The following RPP30 variants were observed in gnomAD, a reference collection of about 807,000 sequenced individuals.
The protein encoded by RPP30 is ribonuclease P protein subunit p30.
Under a neutral mutation model 38.6 loss-of-function variants are expected in RPP30, and 36 were observed. That is an observed-to-expected ratio of 0.93 (90% confidence interval 0.71 to 1.23). The LOEUF is 1.23. RPP30 is among the 50% of genes most tolerant of loss of function. The probability of loss-of-function intolerance (pLI) is 0.00; values close to 1 mark genes in which losing one functional copy is unlikely to be tolerated. For synonymous variants in RPP30, 126 were observed against 112.7 expected, an observed-to-expected ratio of 1.12 and a Z score of -0.75; for missense variants, 321 against 321.7, an observed-to-expected ratio of 1.00 and a Z score of 0.02.
In RPP30 at chr10:90,872,024, C is replaced by T. The variant is rs967666001; in HGVS notation, c.38C>T (p.Ser13Phe). Reference protein sequence around the residue: ...VFADLDLRAGSDLKALRGLVE... With the variant: ...VFADLDLRAGFDLKALRGLVE... ...GCAGATTTGGACCTGCGAGCGGGTT[C>T]TGACCTGAAGGCTCTGCGCGGACTT... Residue 13 changes from serine to phenylalanine, a missense_variant, in exon 1 of 11, where the codon TCT becomes TTT. Transcript: ENST00000371703. 11 of 1,614,060 alleles carry T rather than the reference C, an allele frequency of 6.8e-6. No homozygotes were observed. The highest frequency in any genetic ancestry group is 2.7e-5 in the African/African-American group (2 of 74,932).
At position 90,901,698 on chromosome 10, in the gene RPP30, A is replaced by G. The variant is rs2120240975; in HGVS notation, c.*1019A>G. 1 of 983,394 alleles carries G rather than the reference A, an allele frequency of 1.0e-6. No homozygotes were observed. The highest frequency in any genetic ancestry group is 1.2e-6 in the Non-Finnish European group (1 of 828,056). 60.9% of individuals were successfully genotyped at this position (983,394 alleles called of 1,614,324 possible). On this transcript the variant is annotated 3_prime_UTR_variant, in exon 11 of 11. Coordinates refer to ENST00000371703, the MANE Select transcript of RPP30 (RefSeq NM_006413.5). ...TAGAAGTAGCTTTTTATGCAAATACATGCATTTATGCAATATTAATGTAAG... is the reference window on the plus strand; with the variant it reads ...TAGAAGTAGCTTTTTATGCAAATACGTGCATTTATGCAATATTAATGTAAG...
chr10:90,901,607 AATAGCAAAGC>A lies in RPP30; in HGVS notation c.*931_*940del. ...TGATTTTCCTGATAGCTGTATTAAA[AATAGCAAAGC>A]ATCGGACTGAACCAACTTTGGAAAT... On this transcript the variant is annotated 3_prime_UTR_variant, in exon 11 of 11. Coordinates refer to ENST00000371703, the MANE Select transcript of RPP30 (RefSeq NM_006413.5). 1.0e-6 allele frequency: 1 copy of A among 985,250 alleles called. No individual in the cohort carries two copies. The highest frequency in any genetic ancestry group is 1.2e-6 in the Non-Finnish European group (1 of 829,740). The allele number at this position is 985,250 out of a possible 1,614,324, so 61.0% of individuals were successfully genotyped here.
intron 6 of RPP30, 88 bp from the exon 7 acceptor site, chr10:90,894,687 G>A: frequency 1.1e-6 from 1 of 915,732 alleles, no homozygotes; most frequent in Non-Finnish European, 1.8e-6. Context: ...GTAGTAGGGA[G>A]TGAGGAGGGA....
downstream of RPP30, among the ~76,000 whole-genome samples, chr10:90,904,129 T>C (rs1847229773): frequency 6.6e-6 from 1 of 152,236 alleles, no homozygotes; most frequent in Non-Finnish European, 1.5e-5. Context: ...CTTACAATGC[T>C]GAATATTACA....
At chr10:90,889,561 C>T (rs1408448509) in intron 6 of RPP30, among the ~76,000 whole-genome samples, 2 of 151,984 alleles carry the variant, frequency 1.3e-5, no homozygotes, top group African/African-American at 4.8e-5. Context: ...GATCCACCCG[C>T]CTCGGCCAGG....
chr10:90,874,786 G>C (rs1846829182), intron 1 of RPP30, 83 bp from the exon 2 acceptor site: 2 of 829,998 alleles, frequency 2.4e-6, no homozygotes. Context: ...TCCTACTCTT[G>C]ACATCTAGAC....
downstream of RPP30, chr10:90,902,366 C>A: frequency 5.2e-6 from 2 of 381,180 alleles, no homozygotes; most frequent in South Asian, 1.8e-5. Flanking sequence ...CAGAAGCATG[C>A]ACCACCACAT....
At chr10:90,892,346 T>C (rs968976336) in intron 6 of RPP30, among the ~76,000 whole-genome samples, 11 of 152,204 alleles carry the variant, frequency 7.2e-5, no homozygotes, top group Non-Finnish European at 1.3e-4. Context: ...GAAAGAAATA[T>C]TCACAACCTT....
In RPP30 at chr10:90,894,936, A is replaced by G. The variant is rs1306017324; in HGVS notation, c.549+45A>G. On this transcript the variant is annotated intron_variant, in intron 7 of 10. Coordinates refer to ENST00000371703, the MANE Select transcript of RPP30 (RefSeq NM_006413.5). Reference sequence around the variant, plus strand: ...GGATGTTTTTCGCATCTGGCAGTTTATTATTAGTAGTACACTGGAATTGTC... The same window carrying G: ...GGATGTTTTTCGCATCTGGCAGTTTGTTATTAGTAGTACACTGGAATTGTC... 3 of 1,249,496 alleles carry G rather than the reference A, an allele frequency of 2.4e-6. No individual in the cohort carries two copies. In the South Asian group the frequency reaches 3.6e-5, roughly 15 times the overall value. The allele number at this position is 1,249,496 out of a possible 1,614,324, so 77.4% of individuals were successfully genotyped here. A position where few individuals can be genotyped will look rare whatever the true frequency, so the allele number is the denominator to read the frequency against.
rs913730010 is a variant in RPP30, at chr10:90,901,876, T to C, written c.*1197T>C. 45 of 706,328 alleles carry C rather than the reference T, an allele frequency of 6.4e-5. No homozygotes were observed. The highest frequency in any genetic ancestry group is 7.3e-5 in the Non-Finnish European group (42 of 576,564). The allele number at this position is 706,328 out of a possible 1,614,324, so 43.8% of individuals were successfully genotyped here. On this transcript the variant is annotated 3_prime_UTR_variant, in exon 11 of 11. Transcript: ENST00000371703. ...CTCTGTCCCCCAGGCTGGAGTGCAG[T>C]GGCTCGATCTCTGCTCACTGCAAGC...
chr10:90,896,214 C>G, intron 9 of RPP30, 99 bp from the exon 10 acceptor site: 1 of 992,944 alleles, frequency 1.0e-6, no homozygotes, highest in South Asian at 1.4e-5. Context: ...ATTAATTAGC[C>G]TCTCAAGATG....
intron 1 of RPP30, among the ~76,000 whole-genome samples, chr10:90,873,986 TA>T (rs1846817710): frequency 1.3e-5 from 2 of 152,242 alleles, no homozygotes; most frequent in African/African-American, 4.8e-5. Flanking sequence ...GACTAGGCTG[TA>T]AATTTCTTGT....
At chr10:90,873,520 A>G (rs940267329) in intron 1 of RPP30, among the ~76,000 whole-genome samples, 4 of 152,370 alleles carry the variant, frequency 2.6e-5, no homozygotes, top group Admixed American at 2.6e-4. Context: ...AGCTTCAGAA[A>G]TATACTGTGT....
At chr10:90,896,764 C>T (rs959089507) in intron 10 of RPP30, among the ~76,000 whole-genome samples, 8 of 152,102 alleles carry the variant, frequency 5.3e-5, no homozygotes, top group African/African-American at 1.7e-4. Context: ...ATGTGTTAAA[C>T]TATTTATTAG....
rs897723798 is a variant in RPP30, at chr10:90,875,417, GT to G, written c.139-134del. 17 of 637,414 alleles carry G rather than the reference GT, an allele frequency of 2.7e-5. No individual in the cohort carries two copies. In the African/African-American group the frequency reaches 3.2e-4, roughly 12 times the overall value. The allele number at this position is 637,414 out of a possible 1,614,324, so 39.5% of individuals were successfully genotyped here. The stretch of plus-strand genomic sequence containing the variant: ...TTCTTTTTAAAAATAATTTTTAAAA[GT>G]TTTTTTGAATACCAGAAATCACCTT... On this transcript the variant is annotated intron_variant, in intron 2 of 10. Transcript: ENST00000371703.
chr10:90,881,949 A>AATGTG (rs1846934475), intron 5 of RPP30, among the ~76,000 whole-genome samples: 12 of 152,310 alleles, frequency 7.9e-5, no homozygotes, highest in African/African-American at 2.9e-4. Context: ...TCCATGGGAC[A>AATGTG]TAATATACCA....
chr10:90,895,938 A>C, intron 9 of RPP30, 21 bp downstream of exon 9: 1 of 1,581,382 alleles, frequency 6.3e-7, no homozygotes, highest in Non-Finnish European at 8.6e-7. Context: ...CTGAGTAAAA[A>C]GTTGTTGACA....
chr10:90,883,043 C>T (rs1846952217), intron 5 of RPP30, among the ~76,000 whole-genome samples: 1 of 152,086 alleles, frequency 6.6e-6, no homozygotes, highest in Middle Eastern at 3.2e-3. Context: ...ATTTTTGATA[C>T]ATTCTTTAGG....
intron 1 of RPP30, among the ~76,000 whole-genome samples, chr10:90,872,395 G>A (rs778538814): frequency 1.1e-4 from 16 of 152,200 alleles, no homozygotes; most frequent in Non-Finnish European, 1.9e-4. Flanking sequence ...AAGCTTCTAA[G>A]TTACTATCAG....
Sources: gnomAD v4.1 joint callset for allele counts (sites outside exome capture counted in the v4.1 genomes callset) on GRCh38, gnomAD v4.1.1 for gene constraint, MANE v1.5 for transcripts, NCBI Gene and HGNC (gene_info 2026-07-23, HGNC 2026-07-21) for gene names.